CTNNA2: variants seen among roughly 807,000 people sequenced by gnomAD.
The protein encoded by CTNNA2 is catenin alpha 2, also known as catenin alpha-2.
Under a neutral mutation model 101.0 loss-of-function variants are expected in CTNNA2, and 42 were observed. The ratio of observed to expected loss-of-function variants is 0.42; its 90% CI spans 0.32 to 0.54. CTNNA2 has a LOEUF of 0.54. Among genes scored for constraint, CTNNA2 ranks in the 20% least tolerant of loss-of-function variants. The pLI is 0.14. For synonymous variants in CTNNA2, 450 were observed against 456.4 expected (o/e 0.99, Z 0.18); for missense variants, 871 against 1,223.1 (o/e 0.71, Z 4.29).
intron 4 of CTNNA2, among the ~76,000 whole-genome samples, chr2:79,455,553 A>G (rs573057974): frequency 1.3e-5 from 2 of 151,922 alleles, no homozygotes; most frequent in South Asian, 4.2e-4. Context: ...GTTTGTGGGT[A>G]CTCCACTCTC....
chr2:79,872,574 C>T (rs1682674442), intron 5 of CTNNA2, among the ~76,000 whole-genome samples: 1 of 151,976 alleles, frequency 6.6e-6, no homozygotes, highest in South Asian at 2.1e-4. Flanking sequence ...TTAGATAATC[C>T]CAATTTAGAA....
At chr2:79,480,922 A>G (rs1671103509) in intron 4 of CTNNA2, among the ~76,000 whole-genome samples, 2 of 152,064 alleles carry the variant, frequency 1.3e-5, no homozygotes, top group African/African-American at 4.8e-5. Flanking sequence ...GATTTTTTTC[A>G]AAAGTCTGAT....
At chr2:80,117,662 G>A (rs905698028) in intron 7 of CTNNA2, among the ~76,000 whole-genome samples, 5 of 152,126 alleles carry the variant, frequency 3.3e-5, no homozygotes, top group Non-Finnish European at 5.9e-5. Flanking sequence ...CTGGAGGTAA[G>A]AGTACCATCT....
In CTNNA2 at chr2:80,569,633, G is replaced by GTTTTTTTTTTTTTTTTTTTTTTTTTT. The variant is rs70940088; in HGVS notation, c.1742-4528_1742-4503dup. On this transcript the variant is annotated intron_variant, in intron 12 of 18. Coordinates refer to ENST00000402739, the MANE Select transcript of CTNNA2 (RefSeq NM_001282597.3). ...TCAGTATTACTTTTGGGGTATTTAG[G>GTTTTTTTTTTTTTTTTTTTTTTTTTT]TTTTTTTTTTTTTTTTTTTTTTTTT... Among the ~76,000 whole-genome samples, 100 of 51,732 alleles carry GTTTTTTTTTTTTTTTTTTTTTTTTTT rather than the reference G, an allele frequency of 1.9e-3. 24 individuals carry two copies. Among genetic ancestry groups the GTTTTTTTTTTTTTTTTTTTTTTTTTT allele is most frequent in the Non-Finnish European group, 2.8e-3 (71 of 25,576 alleles). 33.9% of individuals were successfully genotyped at this position (51,732 alleles called of 152,430 possible).
At chr2:80,174,188 G>T (rs1248649879) in intron 7 of CTNNA2, among the ~76,000 whole-genome samples, 1 of 152,192 alleles carries the variant, frequency 6.6e-6, no homozygotes, top group Non-Finnish European at 1.5e-5. Flanking sequence ...TAGATAAGTA[G>T]TTAGTTCTCC....
intron 2 of CTNNA2, among the ~76,000 whole-genome samples, chr2:79,271,667 T>C (rs1675086199): frequency 6.6e-6 from 1 of 151,948 alleles, no homozygotes; most frequent in Non-Finnish European, 1.5e-5. Flanking sequence ...CTTTGAAGTG[T>C]TCCCCTCTCT....
At chr2:80,330,506 T>C (rs1671222103) in intron 7 of CTNNA2, among the ~76,000 whole-genome samples, 1 of 152,132 alleles carries the variant, frequency 6.6e-6, no homozygotes. Context: ...TTTCTTTTTT[T>C]TTTTTTGCAA....
At chr2:80,545,161 C>T (rs978728462) in intron 10 of CTNNA2, 87 bp downstream of exon 10, 4 of 1,286,498 alleles carry the variant, frequency 3.1e-6, no homozygotes, top group Non-Finnish European at 4.4e-6. Flanking sequence ...TCTCTATTTC[C>T]TCTTGCTGAA....
chr2:80,505,460 T>C (rs948255889), intron 9 of CTNNA2, among the ~76,000 whole-genome samples: 5 of 152,228 alleles, frequency 3.3e-5, no homozygotes, highest in African/African-American at 1.2e-4. Flanking sequence ...GCCATTGGCC[T>C]CTTAACGTAT....
At chr2:80,229,395 C>A (rs1304922719) in intron 7 of CTNNA2, among the ~76,000 whole-genome samples, 1 of 151,504 alleles carries the variant, frequency 6.6e-6, no homozygotes, top group Non-Finnish European at 1.5e-5. Flanking sequence ...AATCTTCTCC[C>A]CAGGTTTAAT....
chr2:79,962,025 C>T (rs1020047818), intron 7 of CTNNA2, among the ~76,000 whole-genome samples: 2 of 152,184 alleles, frequency 1.3e-5, no homozygotes, highest in South Asian at 4.1e-4. Flanking sequence ...GAAGTAAATT[C>T]ACAATAACTA....
At chr2:79,377,003 T>G (rs1471872104) in intron 4 of CTNNA2, among the ~76,000 whole-genome samples, 1 of 151,760 alleles carries the variant, frequency 6.6e-6, no homozygotes, top group Non-Finnish European at 1.5e-5. Flanking sequence ...ATATACCCAG[T>G]AATGGGATGG....
chr2:80,115,963 C>T (rs373609360), intron 7 of CTNNA2, among the ~76,000 whole-genome samples: 19 of 151,982 alleles, frequency 1.3e-4, no homozygotes, highest in Non-Finnish European at 2.6e-4. Flanking sequence ...TCAATCAGCC[C>T]GAAATGGGGG....
chr2:79,286,872 T>C (rs373018455), intron 2 of CTNNA2, among the ~76,000 whole-genome samples: 9,805 of 151,868 alleles, frequency 0.065, 402 homozygotes, highest in African/African-American at 0.12. Context: ...TTCCATTCTC[T>C]CCGTCACTTT....
At chr2:80,429,137 C>G (rs1375826741) in intron 9 of CTNNA2, among the ~76,000 whole-genome samples, 1 of 151,984 alleles carries the variant, frequency 6.6e-6, no homozygotes, top group Non-Finnish European at 1.5e-5. Context: ...TAAGAATTCC[C>G]CAATTCTTAA....
At chr2:80,632,896 C>T (rs926849088) in intron 18 of CTNNA2, among the ~76,000 whole-genome samples, 3 of 152,158 alleles carry the variant, frequency 2.0e-5, no homozygotes, top group Admixed American at 6.6e-5. Context: ...TTGTTATTAA[C>T]CCCCTTTTAC....
intron 2 of CTNNA2, among the ~76,000 whole-genome samples, chr2:79,666,312 T>C (rs1682415398): frequency 6.6e-6 from 1 of 152,344 alleles, no homozygotes; most frequent in African/African-American, 2.4e-5. Context: ...GTGTGGCTCC[T>C]ATCAGACCAC....
intron 7 of CTNNA2, among the ~76,000 whole-genome samples, chr2:80,239,171 G>A (rs190267381): frequency 2.0e-5 from 3 of 152,230 alleles, no homozygotes; most frequent in Admixed American, 6.5e-5. Context: ...TTTTTAAGAC[G>A]TCTGTTCTAG....
chr2:79,505,926 A>G (rs1044860864), intron 5 of CTNNA2, among the ~76,000 whole-genome samples: 2 of 152,216 alleles, frequency 1.3e-5, no homozygotes, highest in Non-Finnish European at 2.9e-5. Context: ...CACAAGTGTC[A>G]AAATTGTCTT....
Sources: allele counts gnomAD v4.1 joint callset (sites outside exome capture counted in the v4.1 genomes callset), GRCh38; gene constraint gnomAD v4.1.1; transcripts MANE v1.5; gene names NCBI Gene and HGNC (gene_info 2026-07-23, HGNC 2026-07-21).